ABHD5: variants seen among roughly 807,000 people sequenced by gnomAD.
ABHD5 encodes abhydrolase domain containing 5, lysophosphatidic acid acyltransferase.
In ABHD5, 30 loss-of-function variants were observed where a neutral mutation model predicts 44.9. That is an observed-to-expected ratio of 0.67 (90% CI 0.50 to 0.91). The LOEUF (loss-of-function observed/expected upper bound fraction) is 0.91, where lower values mean the gene tolerates loss of function less well. Among genes scored for constraint, ABHD5 ranks in the 40% least tolerant of loss-of-function variants. ABHD5 has a pLI of 0.00. For missense variants in ABHD5, 399 were observed against 423.4 expected, an observed-to-expected ratio of 0.94 and a Z score of 0.50; for synonymous variants, 167 against 147.0, an observed-to-expected ratio of 1.14 and a Z score of -0.99.
chr3:43,702,533 G>C lies in ABHD5; in HGVS notation c.452G>C (p.Gly151Ala). The C allele has an allele frequency of 1.2e-6, 2 of 1,614,174 alleles. No individual in the cohort carries two copies. The highest frequency in any genetic ancestry group is 1.7e-6 in the Non-Finnish European group (2 of 1,180,032). Residue 151 changes from glycine to alanine, a missense_variant, in exon 3 of 7, where the codon GGG (glycine) becomes GCG (alanine). By Grantham distance (60) the Gly-to-Ala change is moderately conservative (BLOSUM62 0). Coordinates refer to ENST00000644371, the MANE Select transcript of ABHD5 (RefSeq NM_016006.6). ...ALGLDKMILL[G>A]HNLGGFLAAA... ...GGATTGGACAAAATGATCTTGCTTG[G>C]GCACAACCTAGGTGGATTCTTGGCT...
At chr3:43,723,289 A>G (rs1270456874), downstream of ABHD5, among the ~76,000 whole-genome samples, 1 of 152,238 alleles carries the variant, frequency 6.6e-6, no homozygotes, top group African/African-American at 2.4e-5. Flanking sequence ...ATTTATCCCA[A>G]CTTCTTTGTG....
chr3:43,712,784 C>G, intron 4 of ABHD5, among the ~76,000 whole-genome samples: 1 of 152,030 alleles, frequency 6.6e-6, no homozygotes, highest in Middle Eastern at 3.2e-3. Flanking sequence ...TAAGCATCAT[C>G]TCACAAATCA....
chr3:43,715,987 A>G lies in ABHD5; in HGVS notation c.773+929A>G, dbSNP rs116270963. 7.7e-3 allele frequency among the ~76,000 whole-genome samples: 1,168 copies of G among 152,314 alleles called. 14 individuals are homozygous for G. Among genetic ancestry groups the G allele is most frequent in the African/African-American group, 0.025 (1,047 of 41,560 alleles). On this transcript the variant is annotated intron_variant, in intron 5 of 6. Coordinates refer to ENST00000644371, the MANE Select transcript of ABHD5 (RefSeq NM_016006.6). ...GCAGAGGGTGAGGAGTAAGTGAGGGATTCTGCATGTATTTTGACAGTGATT... is the reference window on the plus strand; with the variant it reads ...GCAGAGGGTGAGGAGTAAGTGAGGGGTTCTGCATGTATTTTGACAGTGATT...
At position 43,715,109 on chromosome 3, in the gene ABHD5, GTGTGTGTGTGTT is replaced by G. The variant is rs770258831; in HGVS notation, c.773+61_773+72del. On this transcript the variant is annotated intron_variant, in intron 5 of 6. Transcript: ENST00000644371. ...TCTGTGTGTGTGTGTGTGTGTGTGT[GTGTGTGTGTGTT>G]TGTGTGTGTTTTAGACTATTTTTTT... The G allele has an allele frequency of 4.2e-6, 5 of 1,198,814 alleles. No homozygotes were observed. The African/African-American group carries it at 4.5e-5, about 11-fold the overall frequency. 74.3% of individuals were successfully genotyped at this position (1,198,814 alleles called of 1,614,324 possible). A position where few individuals can be genotyped will look rare whatever the true frequency, so the allele number is the denominator to read the frequency against.
intron 4 of ABHD5, among the ~76,000 whole-genome samples, chr3:43,713,777 A>G (rs2084719717): frequency 6.6e-6 from 1 of 152,226 alleles, no homozygotes; most frequent in South Asian, 2.1e-4. Flanking sequence ...AAGTATGAAG[A>G]GAAATTAGGA....
rs148339398 is a variant in ABHD5 at position 43,692,376 on chromosome 3, CTTGT to C, written c.47+1342_47+1345del. Reference sequence around the variant, plus strand: ...CGTAATTGGTAGGTTGTGTTCTCATCTTGTTTGTCACAACATTTTTGACTCTTGA... The same window carrying C: ...CGTAATTGGTAGGTTGTGTTCTCATCTTGTCACAACATTTTTGACTCTTGA... On this transcript the variant is annotated intron_variant, in intron 1 of 6. Transcript: ENST00000644371. Among the ~76,000 whole-genome samples the C allele has an allele frequency of 9.6e-3, 1,455 of 152,334 alleles. 7 individuals carry two copies. Among genetic ancestry groups the C allele is most frequent in the Admixed American group, 0.015 (233 of 15,304 alleles).
chr3:43,705,667 T>C lies in ABHD5; in HGVS notation c.506+3080T>C, dbSNP rs942706917. On this transcript the variant is annotated intron_variant, in intron 3 of 6. Coordinates refer to ENST00000644371, the MANE Select transcript of ABHD5 (RefSeq NM_016006.6). The stretch of plus-strand genomic sequence containing the variant: ...TATAGGAAGACTGGAATTAACAATC[T>C]CACGGGCTTCCCCTTCTCCCTAGCT... 2.6e-5 allele frequency among the ~76,000 whole-genome samples: 4 copies of C among 152,282 alleles called. No individual in the cohort carries two copies. In the East Asian group the frequency reaches 7.7e-4, roughly 29 times the overall value.
chr3:43,716,127 G>C (rs1366207207), intron 5 of ABHD5, among the ~76,000 whole-genome samples: 1 of 152,126 alleles, frequency 6.6e-6, no homozygotes, highest in African/African-American at 2.4e-5. Flanking sequence ...AGAAAACAGA[G>C]CCTGAAGATA....
At position 43,721,959 on chromosome 3, in the gene ABHD5, A is replaced by G. The variant is rs939354589; in HGVS notation, c.*3427A>G. On this transcript the variant is annotated 3_prime_UTR_variant, in exon 7 of 7. Transcript: ENST00000644371. ...GATTGGGGAAAATCCAAGTTAGGCA[A>G]TGCACTCTGTTGAGACAATAGGGAA... is the stretch of plus-strand genomic sequence containing the variant. 7 of 152,210 alleles carry G rather than the reference A, an allele frequency of 4.6e-5. No individual in the cohort carries two copies. The highest frequency in any genetic ancestry group is 7.3e-5 in the Non-Finnish European group (5 of 68,036). The allele number at this position is 152,210 out of a possible 1,614,324, so 9.4% of individuals were successfully genotyped here.
intron 3 of ABHD5, among the ~76,000 whole-genome samples, chr3:43,711,056 C>G (rs894262855): frequency 1.3e-5 from 2 of 152,192 alleles, no homozygotes; most frequent in African/African-American, 4.8e-5. Flanking sequence ...AAAACAGAAT[C>G]TAATGTCAGT....
chr3:43,692,536 A>C (rs557136423), intron 1 of ABHD5, among the ~76,000 whole-genome samples: 285 of 152,282 alleles, frequency 1.9e-3, no homozygotes, highest in African/African-American at 6.4e-3. Context: ...AAAAATCCTT[A>C]GCAGCTGATC....
At chr3:43,727,918 C>T (rs2084888785) in intron 7 of ABHD5, among the ~76,000 whole-genome samples, 1 of 152,130 alleles carries the variant, frequency 6.6e-6, no homozygotes, top group African/African-American at 2.4e-5. Flanking sequence ...CGTATTTGTA[C>T]TACTTTTAAA....
chr3:43,712,002 C>A (rs2084694684), intron 4 of ABHD5, 139 bp downstream of exon 4: 2 of 1,090,876 alleles, frequency 1.8e-6, no homozygotes, highest in Non-Finnish European at 2.8e-6. Context: ...TAATAAGTAC[C>A]ATGTCTTGCA....
At position 43,718,947 on chromosome 3, in the gene ABHD5, C is replaced by T. The variant is rs2084802207; in HGVS notation, c.*415C>T. 6.0e-6 allele frequency: 1 copy of T among 167,748 alleles called. No homozygotes were observed. The highest frequency in any genetic ancestry group is 1.3e-5 in the Non-Finnish European group (1 of 77,364). The allele number at this position is 167,748 out of a possible 1,614,324, so 10.4% of individuals were successfully genotyped here. On this transcript the variant is annotated 3_prime_UTR_variant, in exon 7 of 7. Coordinates refer to ENST00000644371, the MANE Select transcript of ABHD5 (RefSeq NM_016006.6). The stretch of plus-strand genomic sequence containing the variant: ...GGTGCACTTTATTTTCTTTGTCTTC[C>T]CCATCATGTATTTATTGTGTCTTGA...
At chr3:43,699,009 A>G (rs555946294) in intron 1 of ABHD5, among the ~76,000 whole-genome samples, 2 of 152,002 alleles carry the variant, frequency 1.3e-5, no homozygotes, top group South Asian at 2.1e-4. Flanking sequence ...TTCCCATTTT[A>G]TCCTCTTTTT....
At chr3:43,725,275 CCTCT>C (rs1335220246), downstream of ABHD5, among the ~76,000 whole-genome samples, 2 of 152,154 alleles carry the variant, frequency 1.3e-5, no homozygotes. Context: ...TTAAGCTCTG[CCTCT>C]CTCTTGCCAT....
At chr3:43,716,819 A>C (rs972901212) in intron 5 of ABHD5, among the ~76,000 whole-genome samples, 2 of 152,010 alleles carry the variant, frequency 1.3e-5, no homozygotes, top group African/African-American at 4.8e-5. Context: ...TGTTACTTTG[A>C]TTGTAGTGAG....
chr3:43,696,031 C>T (rs932464347), intron 1 of ABHD5, among the ~76,000 whole-genome samples: 3 of 152,156 alleles, frequency 2.0e-5, no homozygotes, highest in African/African-American at 7.2e-5. Flanking sequence ...GGGCTTATAT[C>T]CTTTGCCTTG....
chr3:43,703,675 A>G (rs755490447), intron 3 of ABHD5, among the ~76,000 whole-genome samples: 64 of 152,170 alleles, frequency 4.2e-4, no homozygotes, highest in Non-Finnish European at 7.6e-4. Context: ...TTAAATCCAA[A>G]ATTGCAACTG....
Sources: gnomAD v4.1 joint callset for allele counts (sites outside exome capture counted in the v4.1 genomes callset) on GRCh38, gnomAD v4.1.1 for gene constraint, MANE v1.5 for transcripts, NCBI Gene and HGNC (gene_info 2026-07-23, HGNC 2026-07-21) for gene names.